The following FDFT1 variants were observed in gnomAD, a reference collection of about 807,000 sequenced individuals.
FDFT1 encodes squalene synthase.
FDFT1 carries 68 observed loss-of-function variants against 46.8 expected under a neutral mutation model. That is an observed-to-expected ratio of 1.45 (90% CI 1.19 to 1.78). The LOEUF is 1.78. FDFT1 is among the 40% of genes most tolerant of loss of function. The pLI is 0.00. For missense variants in FDFT1, 928 were observed against 524.4 expected, an observed-to-expected ratio of 1.77 and a Z score of -7.52; for synonymous variants, 351 against 185.1, an observed-to-expected ratio of 1.90 and a Z score of -7.28.
chr8:11,808,056 G>A (rs1807091234), intron 1 of FDFT1: 1 of 161,034 alleles, frequency 6.2e-6, no homozygotes, highest in African/African-American at 2.4e-5. Flanking sequence ...CCTGAGGGAT[G>A]GAGGGGGATG....
In FDFT1 at chr8:11,821,750, A is replaced by G. The variant is rs1809279335; in HGVS notation, c.382A>G (p.Ile128Val). Residue 128 changes from isoleucine to valine, a missense_variant and splice_region_variant, in exon 4 of 8, where the codon ATC becomes GTC. By Grantham distance (29) the Ile-to-Val change is conservative (BLOSUM62 3). Transcript: ENST00000220584. ...TGTGTTTTTACGGTTTCCATTTCAG[A>G]TCTCCCTTGAGTTTAGAAATCTGGC... Reference protein sequence around the residue: ...DRQVLEDFPTISLEFRNLAEK... With the variant: ...DRQVLEDFPTVSLEFRNLAEK... The G allele has an allele frequency of 6.2e-7, 1 of 1,612,898 alleles. No homozygotes were observed. The highest frequency in any genetic ancestry group is 1.3e-5 in the African/African-American group (1 of 74,884).
chr8:11,834,979 C>G (rs1295354750), intron 7 of FDFT1, among the ~76,000 whole-genome samples: 1 of 152,126 alleles, frequency 6.6e-6, no homozygotes, highest in Non-Finnish European at 1.5e-5. Context: ...CAACATTTAG[C>G]CAGGTGTGGT....
chr8:11,827,970 G>C (rs1046117043), intron 5 of FDFT1, among the ~76,000 whole-genome samples: 1 of 152,138 alleles, frequency 6.6e-6, no homozygotes, highest in Non-Finnish European at 1.5e-5. Context: ...GGGAAGCCCA[G>C]GTGAGTGGAT....
upstream of FDFT1, among the ~76,000 whole-genome samples, chr8:11,798,875 C>G (rs1805825756): frequency 6.6e-6 from 1 of 152,162 alleles, no homozygotes; most frequent in African/African-American, 2.4e-5. Flanking sequence ...TATGATTTAT[C>G]AATTTAGAAA....
chr8:11,831,361 ATACT>A (rs1371580163), intron 6 of FDFT1, among the ~76,000 whole-genome samples, 153 bp from the exon 7 acceptor site: 1 of 152,226 alleles, frequency 6.6e-6, no homozygotes, highest in Admixed American at 6.5e-5. Flanking sequence ...AAATCTTGAC[ATACT>A]TTCTTCGTGG....
chr8:11,838,257 A>G (rs1037298400), intron 7 of FDFT1, 131 bp from the exon 8 acceptor site: 6 of 714,820 alleles, frequency 8.4e-6, no homozygotes, highest in African/African-American at 5.3e-5. Context: ...AGTTATGTTC[A>G]TGTTCTCTGA....
chr8:11,804,602 T>TC (rs1392776185), intron 1 of FDFT1, among the ~76,000 whole-genome samples: 1 of 135,072 alleles, frequency 7.4e-6, no homozygotes, highest in African/African-American at 2.9e-5. Flanking sequence ...TAGTTTCTCT[T>TC]TTTTTTTTTT....
upstream of FDFT1, among the ~76,000 whole-genome samples, chr8:11,800,992 G>A (rs1467405687): frequency 2.6e-5 from 4 of 152,154 alleles, no homozygotes; most frequent in Non-Finnish European, 5.9e-5. Context: ...AGTAAATGAT[G>A]TATTAGAATA....
intron 3 of FDFT1, among the ~76,000 whole-genome samples, chr8:11,810,933 T>TAAAAAAAAAAAAAAAAAAAAAAAAAAA (rs71539744): frequency 1.1e-5 from 1 of 89,448 alleles, no homozygotes; most frequent in Non-Finnish European, 2.1e-5. Flanking sequence ...GAGCAATATT[T>TAAAAAAAAAAAAAAAAAAAAAAAAAAA]AAAAAAAAAA....
chr8:11,804,556 T>A (rs1407755471), intron 1 of FDFT1, among the ~76,000 whole-genome samples: 2 of 151,734 alleles, frequency 1.3e-5, no homozygotes, highest in Admixed American at 1.3e-4. Context: ...GGGAAATAAA[T>A]TGGAAAAATA....
chr8:11,835,183 A>G (rs1020857196), intron 7 of FDFT1, among the ~76,000 whole-genome samples: 4 of 152,348 alleles, frequency 2.6e-5, no homozygotes, highest in Admixed American at 6.5e-5. Context: ...AAAGTCGGCT[A>G]TGACCTGTCC....
intron 5 of FDFT1, 99 bp downstream of exon 5, chr8:11,826,314 C>T: frequency 5.8e-6 from 5 of 859,068 alleles, no homozygotes; most frequent in Non-Finnish European, 3.6e-6. Flanking sequence ...ACAAGTCAGG[C>T]CTCCCCCAGG....
rs1811934967 is a variant in FDFT1 at position 11,838,807 on chromosome 8, A to G, written c.*198A>G. On this transcript the variant is annotated 3_prime_UTR_variant, in exon 8 of 8. Transcript: ENST00000220584. Reference sequence around the variant, plus strand: ...AAGGAAAGGGTGCCTCATCCCAGCAACCTGTCCTTGTGGGTGATGATCACT... The same window carrying G: ...AAGGAAAGGGTGCCTCATCCCAGCAGCCTGTCCTTGTGGGTGATGATCACT... 5 of 585,824 alleles carry G rather than the reference A, an allele frequency of 8.5e-6. No individual in the cohort carries two copies. The highest frequency in any genetic ancestry group is 7.4e-5 in the African/African-American group (4 of 53,698). The allele number at this position is 585,824 out of a possible 1,614,324, so 36.3% of individuals were successfully genotyped here.
At chr8:11,823,659 C>G (rs903307475) in intron 4 of FDFT1, among the ~76,000 whole-genome samples, 1 of 152,152 alleles carries the variant, frequency 6.6e-6, no homozygotes, top group South Asian at 2.1e-4. Context: ...CCTTGACCTT[C>G]TGGGCTCAAG....
At chr8:11,803,290 G>C (rs1428651646) in intron 1 of FDFT1, 2 of 1,317,568 alleles carry the variant, frequency 1.5e-6, no homozygotes, top group Non-Finnish European at 2.0e-6. Flanking sequence ...GAGGACGAGT[G>C]AGTTTTTTGG....
upstream of FDFT1, chr8:11,801,801 C>G (rs952246175): frequency 1.6e-5 from 6 of 367,940 alleles, no homozygotes; most frequent in South Asian, 1.0e-4. Flanking sequence ...TCAAGTGATT[C>G]TCCTGCCTCA....
intron 3 of FDFT1, among the ~76,000 whole-genome samples, chr8:11,812,632 T>G (rs917947546): frequency 1.3e-5 from 2 of 152,216 alleles, no homozygotes; most frequent in Non-Finnish European, 1.5e-5. Flanking sequence ...ATATTTTACT[T>G]AAGTTACTAG....
chr8:11,803,670 G>A, intron 1 of FDFT1: 1 of 359,052 alleles, frequency 2.8e-6, no homozygotes, highest in Non-Finnish European at 4.7e-6. Flanking sequence ...CTTCTGGTCT[G>A]GACCAGCCTG....
At position 11,822,495 on chromosome 8, in the gene FDFT1, T is replaced by C. The variant is rs555897896; in HGVS notation, c.510+617T>C. Among the ~76,000 whole-genome samples the C allele has an allele frequency of 2.0e-5, 3 of 152,318 alleles. No individual in the cohort carries two copies. In the East Asian group the frequency reaches 5.8e-4, roughly 29 times the overall value. ...TGCTTCCTAAGTTAACAGCATACAA[T>C]GACTGCTAGAAATCAATTTCTGCAT... On this transcript the variant is annotated intron_variant, in intron 4 of 7. Coordinates refer to ENST00000220584, the MANE Select transcript of FDFT1 (RefSeq NM_004462.5).
Sources: allele counts gnomAD v4.1 joint callset (sites outside exome capture counted in the v4.1 genomes callset), GRCh38; gene constraint gnomAD v4.1.1; transcripts MANE v1.5; gene names NCBI Gene and HGNC (gene_info 2026-07-23, HGNC 2026-07-21).